Variants in KMO observed in about 807,000 individuals in gnomAD.
KMO encodes kynurenine 3-monooxygenase.
Under a neutral mutation model 57.8 loss-of-function variants are expected in KMO, and 24 were observed. The ratio of observed to expected loss-of-function variants is 0.42; its 90% CI spans 0.30 to 0.58. The LOEUF (loss-of-function observed/expected upper bound fraction) is 0.58, where lower values mean the gene tolerates loss of function less well. Ranked by LOEUF, KMO falls within the 20% of genes least tolerant of loss-of-function variation. KMO has a pLI of 0.22. For missense variants in KMO, 483 were observed against 588.2 expected, an observed-to-expected ratio of 0.82 and a Z score of 1.85; for synonymous variants, 210 against 193.6, an observed-to-expected ratio of 1.08 and a Z score of -0.70.
At chr1:241,550,828 A>G (rs1383202145) in intron 3 of KMO, 127 bp from the exon 4 acceptor site, 15 of 560,888 alleles carry the variant, frequency 2.7e-5, no homozygotes, top group Non-Finnish European at 3.4e-5. Flanking sequence ...TTGGGCTTCT[A>G]TGGTCTTTCA....
At chr1:241,577,468 C>G (rs1582096) in intron 10 of KMO, among the ~76,000 whole-genome samples, 42,714 of 151,918 alleles carry the variant, frequency 0.28, 6,529 homozygotes, top group East Asian at 0.39. Context: ...TTTATTGTAG[C>G]CTAATTCGGC....
intron 11 of KMO, among the ~76,000 whole-genome samples, chr1:241,587,251 G>C (rs1663035749): frequency 6.6e-6 from 1 of 152,116 alleles, no homozygotes; most frequent in African/African-American, 2.4e-5. Context: ...TCACAATAGG[G>C]TTCACGCTCC....
chr1:241,566,395 T>C (rs1662080868), intron 8 of KMO, 96 bp from the exon 9 acceptor site: 4 of 824,362 alleles, frequency 4.9e-6, no homozygotes, highest in Admixed American at 3.1e-5. Context: ...AAAAGCTCCC[T>C]GGTCACAGCA....
At chr1:241,570,718 A>G (rs1216536052) in intron 10 of KMO, among the ~76,000 whole-genome samples, 1 of 152,086 alleles carries the variant, frequency 6.6e-6, no homozygotes, top group Non-Finnish European at 1.5e-5. Flanking sequence ...AGGTAATGTG[A>G]TGCCTCCAGT....
chr1:241,568,543 A>T lies in KMO; in HGVS notation c.853A>T (p.Met285Leu). ...QDFFLLPAQP[M>L]ISVKCSSFHF... ...TTTCTTCCTGTTGCCTGCCCAGCCC[A>T]TGATATCTGTAAAGTGCTCTTCATT... Residue 285 changes from methionine to leucine, a missense_variant, in exon 10 of 15, where the codon ATG (methionine) becomes TTG (leucine). Around this residue, in one of 3 missense-constraint regions of KMO, gnomAD observed 410 missense variants for 492.3 expected, o/e 0.83. Transcript: ENST00000366559. 6.2e-7 allele frequency: 1 copy of T among 1,613,958 alleles called. No homozygotes were observed.
At chr1:241,583,234 G>A (rs1004460933) in intron 10 of KMO, among the ~76,000 whole-genome samples, 10 of 151,988 alleles carry the variant, frequency 6.6e-5, no homozygotes, top group African/African-American at 2.2e-4. Context: ...CACTGTGCTG[G>A]GTCATACCTG....
chr1:241,594,510 G>T lies in KMO; in HGVS notation c.*2357G>T. 2.5e-6 allele frequency: 4 copies of T among 1,614,012 alleles called. No individual in the cohort carries two copies. The highest frequency in any genetic ancestry group is 3.4e-6 in the Non-Finnish European group (4 of 1,179,910). ...GTCAACTGACAGTGATTCATCACTG[G>T]TGATGATAAAAATGATGGAAGAAGA... On this transcript the variant is annotated 3_prime_UTR_variant, in exon 15 of 15. Transcript: ENST00000366559.
chr1:241,589,376 G>A (rs1204128308), intron 12 of KMO, among the ~76,000 whole-genome samples: 2 of 152,120 alleles, frequency 1.3e-5, no homozygotes, highest in Non-Finnish European at 2.9e-5. Flanking sequence ...AAGTGATTGT[G>A]ATTATAGTTT....
intron 10 of KMO, among the ~76,000 whole-genome samples, chr1:241,576,139 G>A (rs951032547): frequency 2.6e-5 from 4 of 151,334 alleles, no homozygotes; most frequent in Non-Finnish European, 4.4e-5. Context: ...TCTACCTTGA[G>A]TTTGTGTGAG....
intron 1 of KMO, among the ~76,000 whole-genome samples, chr1:241,545,080 A>C (rs1050653515): frequency 6.6e-6 from 1 of 152,172 alleles, no homozygotes; most frequent in African/African-American, 2.4e-5. Flanking sequence ...GTAGGGGCTC[A>C]ATAAATTTTG....
chr1:241,573,885 C>T (rs1662402980), intron 10 of KMO, among the ~76,000 whole-genome samples: 1 of 152,040 alleles, frequency 6.6e-6, no homozygotes, highest in African/African-American at 2.4e-5. Flanking sequence ...AATATTGTAT[C>T]TTCCAATCCA....
chr1:241,585,364 C>T (rs1662932802), intron 10 of KMO, among the ~76,000 whole-genome samples: 1 of 152,222 alleles, frequency 6.6e-6, no homozygotes, highest in East Asian at 1.9e-4. Flanking sequence ...TATGGTATCT[C>T]TCACTTCTAT....
At chr1:241,568,730 A>G (rs550341314) in intron 10 of KMO, 83 bp downstream of exon 10, 6 of 1,298,948 alleles carry the variant, frequency 4.6e-6, no homozygotes, top group Middle Eastern at 3.8e-4. Context: ...AAATATGTCT[A>G]AGACTATCCC....
intron 10 of KMO, 113 bp downstream of exon 10, chr1:241,568,760 C>G: frequency 9.9e-7 from 1 of 1,011,336 alleles, no homozygotes; most frequent in Non-Finnish European, 1.4e-6. Flanking sequence ...CCTGAAAGCA[C>G]AATCAATTCA....
chr1:241,574,058 G>T (rs1042020719), intron 10 of KMO, among the ~76,000 whole-genome samples: 2 of 151,972 alleles, frequency 1.3e-5, no homozygotes, highest in Non-Finnish European at 2.9e-5. Flanking sequence ...CTCTTCATTT[G>T]ATTCTCAGTT....
At position 241,594,346 on chromosome 1, in the gene KMO, G is replaced by C. The variant is rs141487943; in HGVS notation, c.*2193G>C. 3.9e-5 allele frequency: 56 copies of C among 1,429,758 alleles called. No homozygotes were observed. The East Asian group carries it at 1.1e-3, about 29-fold the overall frequency. The allele number at this position is 1,429,758 out of a possible 1,614,324, so 88.6% of individuals were successfully genotyped here. On this transcript the variant is annotated 3_prime_UTR_variant, in exon 15 of 15. Coordinates refer to ENST00000366559, the MANE Select transcript of KMO (RefSeq NM_003679.5). Reference sequence around the variant, plus strand: ...GGTTCTGTTGATATTACATAGAACGGGTATTCCAGACACTTCTTATGATGA... The same window carrying C: ...GGTTCTGTTGATATTACATAGAACGCGTATTCCAGACACTTCTTATGATGA...
Position 241,532,472 on chromosome 1 carries a change from A to G in KMO, c.28A>G (p.Lys10Glu). 1 of 1,610,982 alleles carries G rather than the reference A, an allele frequency of 6.2e-7. No homozygotes were observed. The highest frequency in any genetic ancestry group is 8.5e-7 in the Non-Finnish European group (1 of 1,179,296). MDSSVIQRK[K>E]VAVIGGGLVG... is the part of the protein sequence containing the mutation. ...GGACTCATCTGTCATTCAAAGGAAA[A>G]AAGTAGCTGTCATTGGTGGTGGCTT... The change falls in exon 1 of 15, where the codon AAA (lysine) becomes GAA (glutamate). Residue 10 changes from lysine to glutamate, a missense_variant. Lys to Glu is a moderately conservative substitution (Grantham distance 56). This residue lies in a region of KMO where 70 missense variants were observed against 78.4 expected (regional missense o/e 0.89). Transcript: ENST00000366559.
At position 241,594,118 on chromosome 1, in the gene KMO, GAA is replaced by G. The variant is rs1047911968; in HGVS notation, c.*1968_*1969del. 2 of 297,424 alleles carry G rather than the reference GAA, an allele frequency of 6.7e-6. No individual in the cohort carries two copies. Among genetic ancestry groups the G allele is most frequent in the African/African-American group, 4.4e-5 (2 of 45,742 alleles). 18.4% of individuals were successfully genotyped at this position (297,424 alleles called of 1,614,324 possible). On this transcript the variant is annotated 3_prime_UTR_variant, in exon 15 of 15. Transcript: ENST00000366559. ...CGAGAAAAATGCATTACGTGTTTTG[GAA>G]AATAGAGTAATTTAAAAAATATATT...
intron 14 of KMO, among the ~76,000 whole-genome samples, chr1:241,590,664 C>T (rs1663226836): frequency 6.6e-6 from 1 of 152,156 alleles, no homozygotes; most frequent in African/African-American, 2.4e-5. Flanking sequence ...GGCAGTTGGC[C>T]TAGAGAAGCC....
Sources: gnomAD v4.1 joint callset for allele counts (sites outside exome capture counted in the v4.1 genomes callset) on GRCh38, gnomAD v4.1.1 for gene constraint, gnomAD v4.1.1 regional missense constraint, MANE v1.5 for transcripts, NCBI Gene and HGNC (gene_info 2026-07-23, HGNC 2026-07-21) for gene names.